The following MACF1 variants were observed in gnomAD, a reference collection of about 807,000 sequenced individuals.
The protein encoded by MACF1 is microtubule-actin cross-linking factor 1.
A neutral mutation model predicts 854.8 loss-of-function variants in MACF1; 193 were observed. The ratio of observed to expected loss-of-function variants is 0.23; its 90% CI spans 0.20 to 0.25. MACF1 has a LOEUF of 0.25. MACF1 is among the 10% of genes least tolerant of loss of function. The probability of loss-of-function intolerance (pLI) is 1.00; values close to 1 mark genes in which losing one functional copy is unlikely to be tolerated. For missense variants in MACF1, 7,722 were observed against 8,929.1 expected, an observed-to-expected ratio of 0.86 and a Z score of 5.45; for synonymous variants, 3,185 against 3,226.7, an observed-to-expected ratio of 0.99 and a Z score of 0.44.
intron 6 of MACF1, chr1:39,268,463 A>T: frequency 9.0e-7 from 1 of 1,105,238 alleles, no homozygotes; most frequent in South Asian, 2.2e-5. Context: ...AACTGCAGTG[A>T]GATGCTTTGA....
At chr1:39,397,349 G>A (rs1339835503) in intron 58 of MACF1, among the ~76,000 whole-genome samples, 1 of 152,098 alleles carries the variant, frequency 6.6e-6, no homozygotes, top group Non-Finnish European at 1.5e-5. Flanking sequence ...ATCACCTGAG[G>A]TCAGAAGTTC....
At chr1:39,294,115 C>A (rs1002834106) in intron 18 of MACF1, among the ~76,000 whole-genome samples, 1 of 152,160 alleles carries the variant, frequency 6.6e-6, no homozygotes, top group African/African-American at 2.4e-5. Flanking sequence ...AGCATTTAGT[C>A]TAGTATTGTT....
At chr1:39,284,310 T>C in intron 10 of MACF1, 23 bp from the exon 11 acceptor site, 2 of 1,566,942 alleles carry the variant, frequency 1.3e-6, no homozygotes, top group Non-Finnish European at 1.7e-6. Flanking sequence ...TGTCCATTTA[T>C]TCACCAAATA....
At chr1:39,246,907 C>CTT (rs59664447) in intron 2 of MACF1, among the ~76,000 whole-genome samples, 52 of 136,324 alleles carry the variant, frequency 3.8e-4, no homozygotes, top group African/African-American at 7.6e-4. Context: ...CTAAACATAG[C>CTT]TTTTTTTTTT....
intron 2 of MACF1, among the ~76,000 whole-genome samples, chr1:39,101,213 TGG>T (rs1490560764): frequency 6.7e-6 from 1 of 149,992 alleles, no homozygotes; most frequent in African/African-American, 2.5e-5. Context: ...AAAAATTAGC[TGG>T]GCATGGTGGC....
At chr1:39,401,104 T>C (rs1474041177) in intron 58 of MACF1, among the ~76,000 whole-genome samples, 1 of 152,218 alleles carries the variant, frequency 6.6e-6, no homozygotes, top group Non-Finnish European at 1.5e-5. Context: ...TATGTACACA[T>C]ACATATACAT....
In MACF1 at chr1:39,331,084, C is replaced by A; in HGVS notation, c.4615-119C>A. ...TATAGGCGTGAGCCACTGTGCCTGG[C>A]CTGTATACTATAGTTCTTTGAATGA... On this transcript the variant is annotated intron_variant, in intron 36 of 100. Coordinates refer to ENST00000564288, the MANE Select transcript of MACF1 (RefSeq NM_001394062.1). 4 of 1,374,046 alleles carry A rather than the reference C, an allele frequency of 2.9e-6. No individual in the cohort carries two copies. In the South Asian group the frequency reaches 4.8e-5, roughly 17 times the overall value. 85.1% of individuals were successfully genotyped at this position (1,374,046 alleles called of 1,614,324 possible).
At chr1:39,269,710 G>C (rs1645278910) in intron 6 of MACF1, 1 of 1,289,040 alleles carries the variant, frequency 7.8e-7, no homozygotes, top group Non-Finnish European at 1.0e-6. Context: ...CCATCATGGG[G>C]TCTGGAAGAG....
chr1:39,085,183 TCA>T (rs1408500907), intron 2 of MACF1, among the ~76,000 whole-genome samples: 1 of 152,214 alleles, frequency 6.6e-6, no homozygotes, highest in African/African-American at 2.4e-5. Flanking sequence ...TTATTCTTTC[TCA>T]GTGTCACTTT....
intron 71 of MACF1, 115 bp from the exon 72 acceptor site, chr1:39,439,159 A>AT (rs1364982246): frequency 1.1e-5 from 6 of 570,000 alleles, no homozygotes; most frequent in African/African-American, 1.9e-5. Flanking sequence ...AATGCTTAGC[A>AT]TTTTTTTAAA....
At chr1:39,434,335 T>C in intron 68 of MACF1, 79 bp from the exon 69 acceptor site, 2 of 619,114 alleles carry the variant, frequency 3.2e-6, no homozygotes, top group Admixed American at 2.9e-5. Flanking sequence ...GACTTTTTAA[T>C]GTATATATAC....
At position 39,385,586 on chromosome 1, in the gene MACF1, G is replaced by T; in HGVS notation, c.14001G>T (p.Leu4667=). ...GCATCAATCAGAAATGGGTTGAGCT[G>T]ACTGACAAACTCAACTCCCGTTCCA... ...LQSINQKWVE[L]TDKLNSRSSQ... is the part of the protein sequence containing the mutation. Residue 4667 remains leucine (L), a synonymous_variant, in exon 57 of 101, where the codon CTG becomes CTT. Coordinates refer to ENST00000564288, the MANE Select transcript of MACF1 (RefSeq NM_001394062.1). 6.2e-7 allele frequency: 1 copy of T among 1,614,112 alleles called. No individual in the cohort carries two copies. Among genetic ancestry groups the T allele is most frequent in the Non-Finnish European group, 8.5e-7 (1 of 1,180,014 alleles).
chr1:39,345,313 A>G (rs1569604318), intron 40 of MACF1, among the ~76,000 whole-genome samples: 2 of 152,372 alleles, frequency 1.3e-5, no homozygotes, highest in East Asian at 3.9e-4. Flanking sequence ...TCATTTACTC[A>G]GAAAATCAAA....
At chr1:39,190,422 T>TTTTTTTTTTTTTTTTAC (rs1644240921) in intron 2 of MACF1, among the ~76,000 whole-genome samples, 1 of 111,670 alleles carries the variant, frequency 9.0e-6, no homozygotes, top group African/African-American at 3.3e-5. Flanking sequence ...TTTTTTTTGA[T>TTTTTTTTTTTTTTTTAC]GGAATCTTGC....
At chr1:39,450,015 A>G (rs1317966326) in intron 84 of MACF1, among the ~76,000 whole-genome samples, 1 of 152,060 alleles carries the variant, frequency 6.6e-6, no homozygotes, top group East Asian at 1.9e-4. Context: ...GCACACCACC[A>G]TGCCCAGCTA....
chr1:39,296,926 C>T (rs2148408995), intron 20 of MACF1, among the ~76,000 whole-genome samples: 1 of 151,760 alleles, frequency 6.6e-6, no homozygotes, highest in Non-Finnish European at 1.5e-5. Flanking sequence ...TCTGTTTTTG[C>T]CCTAGATTTT....
At position 39,287,341 on chromosome 1, in the gene MACF1, T is replaced by A; in HGVS notation, c.1564T>A (p.Tyr522Asn). The change falls in exon 15 of 101, where the codon TAC becomes AAC. Residue 522 changes from tyrosine to asparagine, a missense_variant. Physicochemically the swap from Tyr to Asn is moderately radical, Grantham distance 143 (BLOSUM62 -2). Transcript: ENST00000564288. ...VTLRLECTNL[Y>N]RKGHFTSLEL... ...CTTGCGTCTAGAGTGTACAAACCTGTACCGGAAGGGTCATTTCACTTCACT... is the reference window on the plus strand; with the variant it reads ...CTTGCGTCTAGAGTGTACAAACCTGAACCGGAAGGGTCATTTCACTTCACT... 1.2e-6 allele frequency: 2 copies of A among 1,614,204 alleles called. No homozygotes were observed. Among genetic ancestry groups the A allele is most frequent in the Non-Finnish European group, 1.7e-6 (2 of 1,180,022 alleles).
intron 49 of MACF1, among the ~76,000 whole-genome samples, chr1:39,362,223 C>G (rs1648249456): frequency 6.6e-6 from 1 of 152,218 alleles, no homozygotes; most frequent in Admixed American, 6.5e-5. Context: ...TCAGTAGTGG[C>G]CAATTTGAGC....
chr1:39,370,586 G>T (rs1649139825), intron 51 of MACF1, among the ~76,000 whole-genome samples: 1 of 152,306 alleles, frequency 6.6e-6, no homozygotes, highest in East Asian at 1.9e-4. Context: ...TAATTATCCA[G>T]CCTCTGCTTA....
Sources: gnomAD v4.1 joint callset for allele counts (sites outside exome capture counted in the v4.1 genomes callset) on GRCh38, gnomAD v4.1.1 for gene constraint, MANE v1.5 for transcripts, NCBI Gene and HGNC (gene_info 2026-07-23, HGNC 2026-07-21) for gene names.